The following CORO7 variants were observed in gnomAD, a reference collection of about 807,000 sequenced individuals.
CORO7 encodes the protein coronin-7.
CORO7 carries 107 observed loss-of-function variants against 126.6 expected under a neutral mutation model. The observed-to-expected ratio is 0.85, with a 90% CI of 0.72 to 0.99. The LOEUF is 0.99. CORO7 is among the 50% of genes least tolerant of loss of function. The probability of loss-of-function intolerance (pLI) is 0.00; values close to 1 mark genes in which losing one functional copy is unlikely to be tolerated. For synonymous variants in CORO7, 603 were observed against 536.8 expected (o/e 1.12, Z -1.70); for missense variants, 1,314 against 1,255.8 (o/e 1.05, Z -0.70).
rs2054027179 is a variant in CORO7 at position 4,357,799 on chromosome 16, C to G, written c.2593+169G>C. 4.0e-6 allele frequency: 5 copies of G among 1,249,682 alleles called. No homozygotes were observed. The East Asian group carries it at 1.3e-4, about 32-fold the overall frequency. The allele number at this position is 1,249,682 out of a possible 1,614,324, so 77.4% of individuals were successfully genotyped here. ...GGGGACCTGTGATGAAAACACAGAC[C>G]ACGAGCCCTGCCCTCCACTGGCTCA... On this transcript the variant is annotated intron_variant, in intron 25 of 27. Transcript: ENST00000251166.
chr16:4,381,986 CCTTGT>C (rs1364744251), intron 9 of CORO7: 1 of 1,607,600 alleles, frequency 6.2e-7, no homozygotes, highest in South Asian at 1.1e-5. Flanking sequence ...GAGCCCACAG[CCTTGT>C]CTTCTAGCTT....
chr16:4,362,260 G>T lies in CORO7; in HGVS notation c.1403-100C>A. 6.8e-7 allele frequency: 1 copy of T among 1,467,062 alleles called. No individual in the cohort carries two copies. The highest frequency in any genetic ancestry group is 9.1e-7 in the Non-Finnish European group (1 of 1,099,354). 90.9% of individuals were successfully genotyped at this position (1,467,062 alleles called of 1,614,324 possible). On this transcript the variant is annotated intron_variant, in intron 15 of 27. Transcript: ENST00000251166. This position sits in a 1 kb window ranked among gnomAD's most constrained non-coding sequence, Gnocchi z 5.3. ...CTGCCCACTCCCCTCACCCCAGGTG[G>T]ATGTACAGCATGGACCTAGGCCCAG...
chr16:4,379,054 C>G, intron 9 of CORO7, among the ~76,000 whole-genome samples: 1 of 152,014 alleles, frequency 6.6e-6, no homozygotes, highest in African/African-American at 2.4e-5. Context: ...TGTCCTGGGA[C>G]CACCTGCTCC....
At chr16:4,370,864 C>T (rs1486418509) in intron 9 of CORO7, among the ~76,000 whole-genome samples, 1 of 152,210 alleles carries the variant, frequency 6.6e-6, no homozygotes, top group East Asian at 1.9e-4. Flanking sequence ...GGCTACAGGC[C>T]GGGCTGGAGG....
chr16:4,416,326 G>C (rs993042140), intron 1 of CORO7, 133 bp downstream of exon 1: 2 of 1,275,340 alleles, frequency 1.6e-6, no homozygotes, highest in African/African-American at 1.6e-5. Flanking sequence ...CTGGCCTGAA[G>C]GGGGGTTCCC....
chr16:4,360,286 G>A lies in CORO7; in HGVS notation c.2100C>T (p.Gly700=), dbSNP rs1030147258. 2.5e-6 allele frequency: 4 copies of A among 1,613,478 alleles called. No individual in the cohort carries two copies. Among genetic ancestry groups the A allele is most frequent in the African/African-American group, 2.7e-5 (2 of 74,886 alleles). ...GATGCCTGAGTCCTCACCTGTCAAA[G>A]CCAGACACCAGCAGACAGCGACCAT... The part of the protein sequence containing the change: ...VCDGRCLLVS[G]FDSQSERQLL... Residue 700 remains glycine (G), a synonymous_variant, in exon 21 of 28, where the codon GGC becomes GGT. Coordinates refer to ENST00000251166, the MANE Select transcript of CORO7 (RefSeq NM_024535.5).
At chr16:4,394,648 G>A (rs766444166) in intron 7 of CORO7, among the ~76,000 whole-genome samples, 2 of 152,214 alleles carry the variant, frequency 1.3e-5, no homozygotes, top group East Asian at 1.9e-4. Flanking sequence ...CCCAGCAAGA[G>A]AAGCCCCCAG....
chr16:4,405,400 T>C lies in CORO7; in HGVS notation c.564+91A>G, dbSNP rs557352926. 2.8e-6 allele frequency: 4 copies of C among 1,449,348 alleles called. No individual in the cohort carries two copies. In the East Asian group the frequency reaches 7.4e-5, roughly 27 times the overall value. 89.8% of individuals were successfully genotyped at this position (1,449,348 alleles called of 1,614,324 possible). A position where few individuals can be genotyped will look rare whatever the true frequency, so the allele number is the denominator to read the frequency against. On this transcript the variant is annotated intron_variant, in intron 6 of 27. Coordinates refer to ENST00000251166, the MANE Select transcript of CORO7 (RefSeq NM_024535.5). ...CTGACCTCAGTGCTCCACTGCCTCC[T>C]AAACAACAAGCCTGGAAGGCCCAGC...
At chr16:4,374,922 A>G (rs2054665659) in intron 9 of CORO7, among the ~76,000 whole-genome samples, 1 of 151,842 alleles carries the variant, frequency 6.6e-6, no homozygotes, top group Admixed American at 6.6e-5. Context: ...GCCTTACTAG[A>G]TGGGTGCTTG....
At chr16:4,369,750 C>G (rs1283876739) in intron 9 of CORO7, among the ~76,000 whole-genome samples, 1 of 152,166 alleles carries the variant, frequency 6.6e-6, no homozygotes, top group Admixed American at 6.5e-5. Flanking sequence ...CCAACCCAGA[C>G]ATTCTGCCAT....
At chr16:4,361,783 T>G in intron 16 of CORO7, 1 of 935,828 alleles carries the variant, frequency 1.1e-6, no homozygotes, top group South Asian at 1.4e-5. Context: ...ACTAAACCTC[T>G]CTGTGCCTCT....
chr16:4,360,793 C>G (rs1213313330), intron 19 of CORO7, 150 bp downstream of exon 19: 1 of 1,469,084 alleles, frequency 6.8e-7, no homozygotes, highest in Non-Finnish European at 9.0e-7. Flanking sequence ...CACTGGCCCC[C>G]CTCTCCTCAC....
In CORO7 at chr16:4,395,353, G is replaced by A. The variant is rs1340401767; in HGVS notation, c.565-14C>T. ...CAGCTGCTTGTCCTGGAAAAGCAGA[G>A]AGGAGGAAACAACTTGCGATTAGGG... On this transcript the variant is annotated splice_polypyrimidine_tract_variant and intron_variant, in intron 6 of 27. Transcript: ENST00000251166. 6.2e-7 allele frequency: 1 copy of A among 1,613,884 alleles called. No individual in the cohort carries two copies. Among genetic ancestry groups the A allele is most frequent in the Admixed American group, 1.7e-5 (1 of 59,998 alleles).
At chr16:4,361,801 C>T in intron 16 of CORO7, 184 bp downstream of exon 16, 1 of 1,001,302 alleles carries the variant, frequency 1.0e-6, no homozygotes, top group Non-Finnish European at 1.5e-6. Flanking sequence ...TCTTCTCCCT[C>T]ATCTGTAAAA....
intron 8 of CORO7, 126 bp from the exon 9 acceptor site, chr16:4,388,194 G>A (rs2055263594): frequency 2.4e-6 from 3 of 1,245,348 alleles, no homozygotes; most frequent in African/African-American, 1.5e-5. Flanking sequence ...GCAGGGCTTG[G>A]AGTGGGGGTG....
Position 4,411,001 on chromosome 16 carries a change from G to C in CORO7, c.232+1355C>G, listed in dbSNP as rs568591590. ...GGCTGTGGTATTGGAGGTGGAAATG[G>C]ATTAACTGCAAAGGGGCATGCGGGA... is the stretch of plus-strand genomic sequence containing the variant. On this transcript the variant is annotated intron_variant, in intron 3 of 27. Transcript: ENST00000251166. 2.0e-3 allele frequency among the ~76,000 whole-genome samples: 312 copies of C among 152,334 alleles called. 11 individuals are homozygous for C. In the South Asian group the frequency reaches 0.062, roughly 31 times the overall value.
At chr16:4,370,881 G>C (rs2054500303) in intron 9 of CORO7, among the ~76,000 whole-genome samples, 1 of 152,234 alleles carries the variant, frequency 6.6e-6, no homozygotes, top group Non-Finnish European at 1.5e-5. Context: ...GAGGGGGTGT[G>C]GGTGTCCCAA....
chr16:4,388,540 C>T lies in CORO7; in HGVS notation c.702+5G>A, dbSNP rs2055275574. ...TGCCCTGCTCCTCCAGGAGGAACCC[C>T]CTACCTGGTTGAATCCAGTAGACAC... On this transcript the variant is annotated splice_donor_5th_base_variant and intron_variant, in intron 8 of 27. Coordinates refer to ENST00000251166, the MANE Select transcript of CORO7 (RefSeq NM_024535.5). 1 of 1,611,494 alleles carries T rather than the reference C, an allele frequency of 6.2e-7. No homozygotes were observed.
chr16:4,395,279 C>T lies in CORO7; in HGVS notation c.615+10G>A, dbSNP rs934456238. 2 of 1,613,908 alleles carry T rather than the reference C, an allele frequency of 1.2e-6. No homozygotes were observed. The highest frequency in any genetic ancestry group is 1.3e-5 in the African/African-American group (1 of 74,938). On this transcript the variant is annotated intron_variant, in intron 7 of 27. Coordinates refer to ENST00000251166, the MANE Select transcript of CORO7 (RefSeq NM_024535.5). ...GCTTCAACCCACCCCAGCTTGCCCA[C>T]ACAACTCACCTGAGAGGCCCGCGGC...
Sources: gnomAD v4.1 joint callset for allele counts (sites outside exome capture counted in the v4.1 genomes callset) on GRCh38, gnomAD v4.1.1 for gene constraint, Gnocchi (gnomAD v3.1) non-coding constraint, MANE v1.5 for transcripts, NCBI Gene and HGNC (gene_info 2026-07-23, HGNC 2026-07-21) for gene names.